The following OLFML2B variants were observed in gnomAD, a reference collection of about 807,000 sequenced individuals.
OLFML2B encodes olfactomedin like 2B, also known as olfactomedin-like protein 2B.
In OLFML2B, 57 loss-of-function variants were observed where a neutral mutation model predicts 74.9. That is an observed-to-expected ratio of 0.76 (90% CI 0.61 to 0.95). The LOEUF (loss-of-function observed/expected upper bound fraction) is 0.95. Among genes scored for constraint, OLFML2B ranks in the 40% least tolerant of loss-of-function variants. The probability of loss-of-function intolerance (pLI) is 0.00; values close to 1 mark genes in which losing one functional copy is unlikely to be tolerated. For synonymous variants in OLFML2B, 388 were observed against 405.8 expected (o/e 0.96, Z 0.53); for missense variants, 986 against 970.6 (o/e 1.02, Z -0.21).
intron 4 of OLFML2B, among the ~76,000 whole-genome samples, chr1:162,005,752 T>A (rs1013320876): frequency 4.6e-5 from 7 of 151,750 alleles, no homozygotes; most frequent in Admixed American, 1.3e-4. Context: ...AATAAAAAAA[T>A]TTTATTACCA....
intron 3 of OLFML2B, among the ~76,000 whole-genome samples, chr1:162,013,905 CA>C (rs1690461404): frequency 7.1e-6 from 1 of 140,566 alleles, no homozygotes; most frequent in African/African-American, 3.0e-5. Flanking sequence ...CACACACACA[CA>C]CACACACACA....
At position 161,983,996 on chromosome 1, in the gene OLFML2B, C is replaced by CTCCT. The variant is rs777600862; in HGVS notation, c.1928_1931dup (p.Val645GlyfsTer45). 21 of 1,614,202 alleles carry CTCCT rather than the reference C, an allele frequency of 1.3e-5. No individual in the cohort carries two copies. The highest frequency in any genetic ancestry group is 1.7e-5 in the Non-Finnish European group (20 of 1,180,042). On this transcript the variant is annotated frameshift_variant, in exon 8 of 8. Transcript: ENST00000294794. LOFTEE classifies it high-confidence loss of function. ...CATTGAGCTTGCTCAGGACAATGAC[C>CTCCT]TCCTGGCTGAAGCCCTCATCGTCCA...
intron 4 of OLFML2B, among the ~76,000 whole-genome samples, chr1:162,003,523 C>T (rs923963176): frequency 3.3e-5 from 5 of 152,194 alleles, no homozygotes; most frequent in Non-Finnish European, 5.9e-5. Context: ...GATCCACTGG[C>T]GACAGGCTGC....
At chr1:162,004,978 C>T (rs1207528769) in intron 4 of OLFML2B, among the ~76,000 whole-genome samples, 3 of 152,234 alleles carry the variant, frequency 2.0e-5, no homozygotes, top group Non-Finnish European at 2.9e-5. Flanking sequence ...CATCCCCTGG[C>T]TGCCCAGTGA....
chr1:161,989,731 A>G (rs944520565), intron 6 of OLFML2B, among the ~76,000 whole-genome samples: 1 of 152,190 alleles, frequency 6.6e-6, no homozygotes, highest in Non-Finnish European at 1.5e-5. Flanking sequence ...AGCAGAGGAG[A>G]ATGCAAGATA....
chr1:162,020,625 C>T (rs1690677819), intron 1 of OLFML2B, among the ~76,000 whole-genome samples: 1 of 151,874 alleles, frequency 6.6e-6, no homozygotes, highest in Non-Finnish European at 1.5e-5. Context: ...CTCCCAGGTT[C>T]AAGTGATTCT....
chr1:162,006,319 G>A lies in OLFML2B; in HGVS notation c.701C>T (p.Ala234Val), dbSNP rs777192622. 1.2e-6 allele frequency: 2 copies of A among 1,600,146 alleles called. No homozygotes were observed. The highest frequency in any genetic ancestry group is 1.1e-5 in the South Asian group (1 of 88,800). Residue 234 changes from alanine (A) to valine (V), a missense_variant, in exon 4 of 8, where the codon GCA (alanine) becomes GTA (valine). Transcript: ENST00000294794. ...DIRSALQRDA[A>V]AAYAHPEYEE... is the part of the protein sequence containing the mutation. ...TACCTCTGGGTGGGCGTAGGCTGCT[G>A]CTGCATCCCTCTGCAGGGCTGAGCG... is the stretch of plus-strand genomic sequence containing the variant.
intron 6 of OLFML2B, among the ~76,000 whole-genome samples, chr1:161,994,127 T>C (rs771690494): frequency 7.9e-5 from 12 of 152,196 alleles, no homozygotes; most frequent in Non-Finnish European, 1.5e-4. Flanking sequence ...GCAAGTTGGG[T>C]TAGGAGCATC....
chr1:161,983,491 G>T lies in OLFML2B; in HGVS notation c.*184C>A. On this transcript the variant is annotated 3_prime_UTR_variant, in exon 8 of 8. Transcript: ENST00000294794. ...GGGAGGATGAGACCAGCACATACAC[G>T]TATGGATTGATCTACAATCCATATA... 9 of 617,822 alleles carry T rather than the reference G, an allele frequency of 1.5e-5. No homozygotes were observed. Among genetic ancestry groups the T allele is most frequent in the Middle Eastern group, 4.5e-4 (1 of 2,226 alleles). 38.3% of individuals were successfully genotyped at this position (617,822 alleles called of 1,614,324 possible).
intron 3 of OLFML2B, among the ~76,000 whole-genome samples, chr1:162,012,281 TC>T (rs950276356): frequency 6.6e-6 from 1 of 152,008 alleles, no homozygotes; most frequent in African/African-American, 2.4e-5. Context: ...AAGAGACAGC[TC>T]CCCCAACTCA....
At chr1:161,997,298 C>G (rs567220236) in intron 6 of OLFML2B, among the ~76,000 whole-genome samples, 2 of 152,196 alleles carry the variant, frequency 1.3e-5, no homozygotes, top group Non-Finnish European at 2.9e-5. Flanking sequence ...TTCCATTCCT[C>G]TGGTACAGCA....
chr1:161,990,618 C>A (rs569725462), intron 6 of OLFML2B, among the ~76,000 whole-genome samples: 58 of 152,302 alleles, frequency 3.8e-4, no homozygotes, highest in Admixed American at 3.3e-3. Context: ...AGGGTCTTGC[C>A]TCGATGTTGA....
intron 2 of OLFML2B, among the ~76,000 whole-genome samples, chr1:162,019,439 C>T (rs548239707): frequency 6.6e-6 from 1 of 152,246 alleles, no homozygotes; most frequent in African/African-American, 2.4e-5. Flanking sequence ...CTAAGTGGGG[C>T]CTGAGCTTCC....
At chr1:161,992,623 G>T (rs1689772846) in intron 6 of OLFML2B, among the ~76,000 whole-genome samples, 1 of 152,178 alleles carries the variant, frequency 6.6e-6, no homozygotes, top group African/African-American at 2.4e-5. Flanking sequence ...CCATTGTAGG[G>T]TTATTAATTG....
intron 6 of OLFML2B, among the ~76,000 whole-genome samples, chr1:161,992,765 G>A (rs12567780): frequency 0.56 from 85,244 of 152,058 alleles, 24,872 homozygotes; most frequent in Middle Eastern, 0.67. Context: ...GCTTTGTATC[G>A]GTGTGGGTGG....
At chr1:162,014,240 T>C (rs2101975905) in intron 3 of OLFML2B, among the ~76,000 whole-genome samples, 1 of 152,346 alleles carries the variant, frequency 6.6e-6, no homozygotes, top group South Asian at 2.1e-4. Flanking sequence ...TTTTTCAGTA[T>C]TTAAAACAAA....
intron 3 of OLFML2B, among the ~76,000 whole-genome samples, chr1:162,013,984 A>G (rs1558066886): frequency 6.6e-6 from 1 of 151,670 alleles, no homozygotes; most frequent in Non-Finnish European, 1.5e-5. Flanking sequence ...AGGCAAAACT[A>G]TTACATTTAG....
In OLFML2B at chr1:162,009,679, G is replaced by C. The variant is rs191781523; in HGVS notation, c.547-3206C>G. ...AGCCGCCTGAATAAACAAGAGGCTG[G>C]CGGTGGCATCACCCCATTGGCCTGC... is the stretch of plus-strand genomic sequence containing the variant. On this transcript the variant is annotated intron_variant, in intron 3 of 7. Coordinates refer to ENST00000294794, the MANE Select transcript of OLFML2B (RefSeq NM_015441.3). Among the ~76,000 whole-genome samples the C allele has an allele frequency of 2.1e-3, 321 of 152,322 alleles. 1 individual carries two copies. The highest frequency in any genetic ancestry group is 7.4e-3 in the African/African-American group (309 of 41,564).
Position 161,984,029 on chromosome 1 carries a change from G to A in OLFML2B, c.1899C>T (p.Tyr633=), listed in dbSNP as rs758061196. Residue 633 remains tyrosine (Y), a synonymous_variant, in exon 8 of 8, where the codon TAC becomes TAT. Coordinates refer to ENST00000294794, the MANE Select transcript of OLFML2B (RefSeq NM_015441.3). The stretch of plus-strand genomic sequence containing the variant: ...TGAAGCCCTCATCGTCCAGGGCCGG[G>A]TAGATGAGCCATAGGCCATTCTCGT... ...AVDENGLWLI[Y]PALDDEGFSQ... is the part of the protein sequence containing the mutation. 5 of 1,614,088 alleles carry A rather than the reference G, an allele frequency of 3.1e-6. No homozygotes were observed. The highest frequency in any genetic ancestry group is 1.1e-5 in the South Asian group (1 of 91,094).
Sources: allele counts gnomAD v4.1 joint callset (sites outside exome capture counted in the v4.1 genomes callset), GRCh38; gene constraint gnomAD v4.1.1; transcripts MANE v1.5; gene names NCBI Gene and HGNC (gene_info 2026-07-23, HGNC 2026-07-21).